The following ROBO2 variants were observed in gnomAD, a reference collection of about 807,000 sequenced individuals.
ROBO2 encodes the protein roundabout homolog 2.
ROBO2 carries 53 observed loss-of-function variants against 160.8 expected under a neutral mutation model. The ratio of observed to expected loss-of-function variants is 0.33; its 90% CI spans 0.26 to 0.41. The LOEUF (loss-of-function observed/expected upper bound fraction) is 0.41, where lower values mean the gene tolerates loss of function less well. ROBO2 is among the 10% of genes least tolerant of loss of function. The probability of loss-of-function intolerance (pLI) is 1.00; values close to 1 mark genes in which losing one functional copy is unlikely to be tolerated. For synonymous variants in ROBO2, 664 were observed against 611.7 expected, an observed-to-expected ratio of 1.09 and a Z score of -1.26; for missense variants, 1,577 against 1,722.4, an observed-to-expected ratio of 0.92 and a Z score of 1.49.
intron 2 of ROBO2, among the ~76,000 whole-genome samples, chr3:76,145,481 C>A (rs2071849547): frequency 6.6e-6 from 1 of 151,932 alleles, no homozygotes; most frequent in Admixed American, 6.6e-5. Context: ...TAACTATTCT[C>A]CACTTTGTCT....
At chr3:77,642,910 C>G (rs191364613) in intron 24 of ROBO2, 1 of 456,552 alleles carries the variant, frequency 2.2e-6, no homozygotes, top group Non-Finnish European at 4.4e-6. Flanking sequence ...AGAAGATATA[C>G]GGAAAGCCCC....
intron 2 of ROBO2, among the ~76,000 whole-genome samples, chr3:76,186,171 A>G (rs932197753): frequency 4.6e-5 from 7 of 151,868 alleles, no homozygotes; most frequent in Admixed American, 2.6e-4. Flanking sequence ...GAGCTCAACC[A>G]ATCCACCCAC....
intron 2 of ROBO2, among the ~76,000 whole-genome samples, chr3:76,682,909 G>T (rs190525464): frequency 6.6e-6 from 1 of 152,124 alleles, no homozygotes; most frequent in African/African-American, 2.4e-5. Flanking sequence ...GAGAACTGGC[G>T]CTCAGAAGAA....
intron 2 of ROBO2, among the ~76,000 whole-genome samples, chr3:76,512,111 C>G (rs972189444): frequency 6.6e-6 from 1 of 151,766 alleles, no homozygotes; most frequent in African/African-American, 2.4e-5. Context: ...CTAAAACAAA[C>G]AAAAAAACAT....
At chr3:76,372,021 CAT>C (rs2076128197) in intron 2 of ROBO2, among the ~76,000 whole-genome samples, 1 of 151,772 alleles carries the variant, frequency 6.6e-6, no homozygotes, top group East Asian at 1.9e-4. Context: ...CAACTGATAA[CAT>C]AGTTAAGTAA....
chr3:76,900,061 C>T (rs1259303055), intron 2 of ROBO2, among the ~76,000 whole-genome samples: 1 of 152,038 alleles, frequency 6.6e-6, no homozygotes, highest in Non-Finnish European at 1.5e-5. Context: ...TGGCAGAAGG[C>T]AAGAAGGAGC....
intron 2 of ROBO2, among the ~76,000 whole-genome samples, chr3:76,176,494 G>C (rs1240347417): frequency 6.6e-6 from 1 of 152,054 alleles, no homozygotes; most frequent in African/African-American, 2.4e-5. Context: ...AGTACTAAGA[G>C]AATACAGAAT....
intron 2 of ROBO2, among the ~76,000 whole-genome samples, chr3:76,049,403 A>ATATATATATATATTTTTTTTTTTT (rs1414664360): frequency 1.9e-5 from 1 of 53,752 alleles, no homozygotes; most frequent in African/African-American, 1.5e-4. Context: ...ATATATATAT[A>ATATATATATATATTTTTTTTTTTT]TTTTTTTTTT....
At chr3:75,932,744 G>T (rs1236288924) in intron 1 of ROBO2, among the ~76,000 whole-genome samples, 1 of 152,038 alleles carries the variant, frequency 6.6e-6, no homozygotes, top group Admixed American at 6.6e-5. Context: ...GTTTTCATTT[G>T]TCTCATACAT....
chr3:76,651,761 C>G (rs1385789198), intron 2 of ROBO2, among the ~76,000 whole-genome samples: 1 of 152,136 alleles, frequency 6.6e-6, no homozygotes, highest in African/African-American at 2.4e-5. Flanking sequence ...CTTTGCTATT[C>G]ACATATGCAA....
intron 2 of ROBO2, among the ~76,000 whole-genome samples, chr3:76,564,535 T>C (rs1476293104): frequency 2.0e-5 from 3 of 152,284 alleles, no homozygotes; most frequent in Non-Finnish European, 4.4e-5. Flanking sequence ...CACATTTTTA[T>C]CCAAATTGTA....
intron 2 of ROBO2, among the ~76,000 whole-genome samples, chr3:77,351,640 T>G (rs2068346579): frequency 6.6e-6 from 1 of 152,112 alleles, no homozygotes; most frequent in Non-Finnish European, 1.5e-5. Flanking sequence ...AGGAGGTACC[T>G]CCTTAGACAT....
intron 2 of ROBO2, among the ~76,000 whole-genome samples, chr3:76,437,365 A>T (rs1033299890): frequency 1.3e-5 from 2 of 152,186 alleles, no homozygotes; most frequent in African/African-American, 4.8e-5. Context: ...GAAAAAACCA[A>T]TACTACTTTT....
At chr3:76,220,192 G>C in intron 2 of ROBO2, among the ~76,000 whole-genome samples, 1 of 141,332 alleles carries the variant, frequency 7.1e-6, no homozygotes, top group Non-Finnish European at 1.5e-5. Flanking sequence ...TTGGGGGAGG[G>C]GGGAGGGATA....
intron 2 of ROBO2, among the ~76,000 whole-genome samples, chr3:76,123,081 T>G (rs1400237): frequency 0.76 from 116,234 of 152,030 alleles, 48,088 homozygotes; most frequent in Non-Finnish European, 0.94. Flanking sequence ...TTATGGAACT[T>G]TCACAGCTCA....
chr3:76,305,970 C>T (rs954385113), intron 2 of ROBO2, among the ~76,000 whole-genome samples: 2 of 152,056 alleles, frequency 1.3e-5, no homozygotes, highest in African/African-American at 4.8e-5. Context: ...GAGGCCTGTC[C>T]TGTGCATCGC....
At chr3:76,870,738 G>C (rs561883353) in intron 2 of ROBO2, among the ~76,000 whole-genome samples, 1 of 151,884 alleles carries the variant, frequency 6.6e-6, no homozygotes, top group Non-Finnish European at 1.5e-5. Flanking sequence ...TTTCTGATTG[G>C]AGTTCCTTTT....
In ROBO2 at chr3:76,695,303, T is replaced by C. The variant is rs572511890; in HGVS notation, c.110-402711T>C. On this transcript the variant is annotated intron_variant, in intron 2 of 26. Coordinates refer to the ROBO2 transcript ENST00000487694. ...GAAGATAGTGTACAGAGGTCAGTGA[T>C]GTATTTTTCTATGCCTGTCAGGCAG... Among the ~76,000 whole-genome samples, 6 of 152,302 alleles carry C rather than the reference T, an allele frequency of 3.9e-5. No homozygotes were observed. In the South Asian group the frequency reaches 1.2e-3, roughly 32 times the overall value.
intron 2 of ROBO2, among the ~76,000 whole-genome samples, chr3:76,011,905 T>C (rs1430620769): frequency 6.6e-6 from 1 of 152,158 alleles, no homozygotes; most frequent in African/African-American, 2.4e-5. Context: ...TTGTTTCCAG[T>C]CATCCCCCTT....
Sources: gnomAD v4.1 joint callset for allele counts (sites outside exome capture counted in the v4.1 genomes callset) on GRCh38, gnomAD v4.1.1 for gene constraint, MANE v1.5 for transcripts, NCBI Gene and HGNC (gene_info 2026-07-23, HGNC 2026-07-21) for gene names.